The following CSMD1 variants were observed in gnomAD, a reference collection of about 807,000 sequenced individuals.
The protein encoded by CSMD1 is CUB and sushi domain-containing protein 1.
Under a neutral mutation model 417.5 loss-of-function variants are expected in CSMD1, and 213 were observed. The ratio of observed to expected loss-of-function variants is 0.51; its 90% CI spans 0.46 to 0.57. The LOEUF (loss-of-function observed/expected upper bound fraction) is 0.57. Among genes scored for constraint, CSMD1 ranks in the 20% least tolerant of loss-of-function variants. CSMD1 has a pLI of 0.00. For missense variants in CSMD1, 6,923 were observed against 4,529.7 expected, an observed-to-expected ratio of 1.53 and a Z score of -15.17; for synonymous variants, 2,862 against 1,736.8, an observed-to-expected ratio of 1.65 and a Z score of -16.11.
At chr8:4,201,365 C>T (rs2131255488) in intron 3 of CSMD1, among the ~76,000 whole-genome samples, 1 of 151,924 alleles carries the variant, frequency 6.6e-6, no homozygotes. Flanking sequence ...GGTGAAACCC[C>T]ATCTCTACTA....
At chr8:4,210,278 C>T (rs1355200098) in intron 3 of CSMD1, among the ~76,000 whole-genome samples, 1 of 152,198 alleles carries the variant, frequency 6.6e-6, no homozygotes, top group African/African-American at 2.4e-5. Context: ...TTCTTTGATG[C>T]TTTCATTTTC....
chr8:4,891,373 T>G (rs1356514927), intron 1 of CSMD1, among the ~76,000 whole-genome samples: 1 of 152,198 alleles, frequency 6.6e-6, no homozygotes, highest in Non-Finnish European at 1.5e-5. Context: ...TTTTATTCAT[T>G]GAATAACTTG....
chr8:4,698,597 A>ATTTTT (rs1239933965), intron 1 of CSMD1, among the ~76,000 whole-genome samples: 2 of 62,082 alleles, frequency 3.2e-5, no homozygotes, highest in South Asian at 7.4e-4. Context: ...AAATGATAGA[A>ATTTTT]ATTTTTTTTT....
intron 2 of CSMD1, among the ~76,000 whole-genome samples, chr8:4,484,010 C>T (rs368795433): frequency 2.0e-5 from 3 of 152,062 alleles, no homozygotes; most frequent in Admixed American, 2.0e-4. Context: ...ATCCCATTGC[C>T]TGTTGGATGA....
intron 1 of CSMD1, among the ~76,000 whole-genome samples, chr8:4,694,130 G>C (rs1037473442): frequency 1.3e-5 from 2 of 152,082 alleles, no homozygotes; most frequent in South Asian, 2.1e-4. Flanking sequence ...CTCACGATTT[G>C]TCCACGGGAA....
At chr8:3,443,277 G>A (rs1815104908) in intron 12 of CSMD1, among the ~76,000 whole-genome samples, 1 of 152,122 alleles carries the variant, frequency 6.6e-6, no homozygotes, top group Non-Finnish European at 1.5e-5. Flanking sequence ...AAGACTGATT[G>A]AATAAACTGT....
chr8:4,756,358 T>A (rs1042441789), intron 1 of CSMD1, among the ~76,000 whole-genome samples: 2 of 152,160 alleles, frequency 1.3e-5, no homozygotes, highest in African/African-American at 4.8e-5. Context: ...ATACTGGCCA[T>A]ATTTTTAAAA....
chr8:4,100,468 C>G (rs1049237220), intron 3 of CSMD1, among the ~76,000 whole-genome samples: 2 of 152,108 alleles, frequency 1.3e-5, no homozygotes, highest in African/African-American at 4.8e-5. Flanking sequence ...CCAAATGTTG[C>G]TTAACTTTTC....
At chr8:3,903,060 G>T (rs187027316) in intron 5 of CSMD1, among the ~76,000 whole-genome samples, 20 of 152,258 alleles carry the variant, frequency 1.3e-4, no homozygotes, top group Admixed American at 1.2e-3. Context: ...CACCTGGATT[G>T]GATAACTGCC....
intron 3 of CSMD1, among the ~76,000 whole-genome samples, chr8:4,148,503 A>G (rs1396169858): frequency 6.7e-6 from 1 of 150,060 alleles, no homozygotes; most frequent in African/African-American, 2.4e-5. Flanking sequence ...ATGTACCCTA[A>G]AACTTAAAGT....
At chr8:3,451,252 C>T (rs1815693684) in intron 12 of CSMD1, among the ~76,000 whole-genome samples, 1 of 152,156 alleles carries the variant, frequency 6.6e-6, no homozygotes, top group Non-Finnish European at 1.5e-5. Flanking sequence ...AACATTTCTG[C>T]CACTCTGTAG....
At chr8:4,099,161 G>C (rs191243188) in intron 3 of CSMD1, among the ~76,000 whole-genome samples, 1 of 150,860 alleles carries the variant, frequency 6.6e-6, no homozygotes, top group African/African-American at 2.4e-5. Context: ...CCATGCATAT[G>C]TCTTATTTAT....
chr8:3,229,614 T>C (rs1432184741), intron 27 of CSMD1, among the ~76,000 whole-genome samples: 1 of 152,162 alleles, frequency 6.6e-6, no homozygotes, highest in Non-Finnish European at 1.5e-5. Flanking sequence ...CTATTTTAAA[T>C]GTACTAATAT....
intron 8 of CSMD1, among the ~76,000 whole-genome samples, chr8:3,593,888 T>G (rs1800971182): frequency 1.3e-5 from 2 of 152,190 alleles, no homozygotes; most frequent in East Asian, 1.9e-4. Flanking sequence ...CTTACTTGAT[T>G]TTCACATTAA....
At chr8:3,716,496 G>A (rs992781886) in intron 6 of CSMD1, among the ~76,000 whole-genome samples, 3 of 152,172 alleles carry the variant, frequency 2.0e-5, no homozygotes, top group Non-Finnish European at 2.9e-5. Context: ...TTCGTAAACT[G>A]TAAACTGTCA....
intron 50 of CSMD1, among the ~76,000 whole-genome samples, chr8:3,035,934 A>G (rs1281470843): frequency 6.6e-6 from 1 of 152,220 alleles, no homozygotes; most frequent in Non-Finnish European, 1.5e-5. Context: ...ATTCAGGAGA[A>G]CATTTACTGG....
At position 3,189,962 on chromosome 8, in the gene CSMD1, G is replaced by A. The variant is rs1485797297; in HGVS notation, c.5348C>T (p.Ser1783Phe). Residue 1783 changes from serine (S) to phenylalanine (F), a missense_variant, in exon 34 of 70, where the codon TCC becomes TTC. By Grantham distance (155) the Ser-to-Phe change is radical (BLOSUM62 -2). Transcript: ENST00000635120. The part of the protein sequence containing the change: ...LQGSTALHCQ[S>F]VPNALAQWND... ...CCACTGTGCCAAGGCGTTGGGCACG[G>A]ACTGGCAGTGGAGCGCCGTGGAACC... 6.3e-6 allele frequency: 10 copies of A among 1,598,646 alleles called. No individual in the cohort carries two copies. The highest frequency in any genetic ancestry group is 3.5e-5 in the Admixed American group (2 of 57,884).
intron 10 of CSMD1, among the ~76,000 whole-genome samples, chr8:3,514,856 G>T (rs914222017): frequency 6.6e-6 from 1 of 151,872 alleles, no homozygotes; most frequent in Non-Finnish European, 1.5e-5. Flanking sequence ...AATATCTAAT[G>T]ACTTTTTAAA....
chr8:4,147,324 C>G (rs1361395637), intron 3 of CSMD1, among the ~76,000 whole-genome samples: 6 of 152,130 alleles, frequency 3.9e-5, no homozygotes, highest in Admixed American at 3.9e-4. Flanking sequence ...CTTCTGTATG[C>G]TCACCTGTCT....
Sources: allele counts gnomAD v4.1 joint callset (sites outside exome capture counted in the v4.1 genomes callset), GRCh38; gene constraint gnomAD v4.1.1; transcripts MANE v1.5; gene names NCBI Gene and HGNC (gene_info 2026-07-23, HGNC 2026-07-21).